The following TIAM1 variants were observed in gnomAD, a reference collection of about 807,000 sequenced individuals.
TIAM1 encodes the protein TIAM Rac1 associated GEF 1, also known as rho guanine nucleotide exchange factor TIAM1.
In TIAM1, 65 loss-of-function variants were observed where a neutral mutation model predicts 163.5. The observed-to-expected ratio is 0.40, with a 90% CI of 0.33 to 0.49. The LOEUF (loss-of-function observed/expected upper bound fraction) is 0.49, where lower values mean the gene tolerates loss of function less well. TIAM1 is among the 20% of genes least tolerant of loss of function. The probability of loss-of-function intolerance (pLI) is 0.77; values close to 1 mark genes in which losing one functional copy is unlikely to be tolerated. For synonymous variants in TIAM1, 833 were observed against 810.1 expected, an observed-to-expected ratio of 1.03 and a Z score of -0.48; for missense variants, 1,789 against 2,044.7, an observed-to-expected ratio of 0.87 and a Z score of 2.41.
intron 1 of TIAM1, among the ~76,000 whole-genome samples, chr21:31,483,791 G>C (rs1288783388): frequency 6.6e-6 from 1 of 151,986 alleles, no homozygotes; most frequent in Non-Finnish European, 1.5e-5. Context: ...TCCCCATCTG[G>C]TGGGAAAGTA....
chr21:31,303,456 G>A (rs2074576891), intron 2 of TIAM1, among the ~76,000 whole-genome samples: 1 of 152,078 alleles, frequency 6.6e-6, no homozygotes, highest in African/African-American at 2.4e-5. Flanking sequence ...TGAGTTCCAG[G>A]GCTGTATCTC....
chr21:31,472,370 T>C (rs2045775214), intron 1 of TIAM1, among the ~76,000 whole-genome samples: 1 of 151,594 alleles, frequency 6.6e-6, no homozygotes, highest in Non-Finnish European at 1.5e-5. Context: ...CTACTAAAAA[T>C]ACAAAAATCA....
intron 1 of TIAM1, among the ~76,000 whole-genome samples, chr21:31,526,605 G>A (rs1180313666): frequency 1.3e-5 from 2 of 152,154 alleles, no homozygotes; most frequent in Non-Finnish European, 2.9e-5. Context: ...CCACAGGTGG[G>A]AATCGTGATA....
chr21:31,284,456 G>C (rs187116713), intron 2 of TIAM1, among the ~76,000 whole-genome samples: 3 of 152,210 alleles, frequency 2.0e-5, no homozygotes, highest in Admixed American at 1.3e-4. Flanking sequence ...CAGCAGGGGG[G>C]GTGGAGGGTA....
At chr21:31,337,120 C>T (rs2833380) in intron 2 of TIAM1, among the ~76,000 whole-genome samples, 21,013 of 152,142 alleles carry the variant, frequency 0.14, 1,569 homozygotes, top group Non-Finnish European at 0.17. Context: ...GAATAGGTTA[C>T]TTAGGCCAGA....
chr21:31,446,534 G>A (rs563149900), intron 2 of TIAM1, among the ~76,000 whole-genome samples: 1 of 152,338 alleles, frequency 6.6e-6, no homozygotes, highest in East Asian at 1.9e-4. Flanking sequence ...TGCAAGGTCA[G>A]TGTTTATGGA....
intron 2 of TIAM1, among the ~76,000 whole-genome samples, chr21:31,445,016 A>AGAAC (rs1555983129): frequency 4.7e-4 from 3 of 6,428 alleles, no homozygotes; most frequent in African/African-American, 1.2e-3. Flanking sequence ...AAGGAAAACA[A>AGAAC]AGAACAGAAG....
intron 1 of TIAM1, among the ~76,000 whole-genome samples, chr21:31,530,708 C>G (rs1356094768): frequency 2.0e-5 from 3 of 152,148 alleles, no homozygotes; most frequent in Non-Finnish European, 4.4e-5. Flanking sequence ...ACCAGCTGGT[C>G]AGCCGCACTT....
At chr21:31,152,236 T>C (rs2083411242) in intron 19 of TIAM1, among the ~76,000 whole-genome samples, 1 of 152,128 alleles carries the variant, frequency 6.6e-6, no homozygotes, top group Admixed American at 6.5e-5. Context: ...TTTTGCCACG[T>C]TGGCCAGGCT....
chr21:31,234,043 A>G (rs2146672757), intron 6 of TIAM1, among the ~76,000 whole-genome samples: 1 of 152,306 alleles, frequency 6.6e-6, no homozygotes, highest in African/African-American at 2.4e-5. Context: ...TAATGTGCAC[A>G]GATGATATAA....
At chr21:31,154,528 G>A (rs1375844679) in intron 16 of TIAM1, 102 bp from the exon 17 acceptor site, 2 of 1,198,208 alleles carry the variant, frequency 1.7e-6, no homozygotes, top group East Asian at 2.4e-5. Context: ...TTAGTCAACT[G>A]TCACATATGA....
At chr21:31,408,674 T>G (rs1280296742) in intron 2 of TIAM1, among the ~76,000 whole-genome samples, 2 of 152,208 alleles carry the variant, frequency 1.3e-5, no homozygotes, top group Non-Finnish European at 2.9e-5. Flanking sequence ...AAATTCCTAT[T>G]CTTAATATCT....
chr21:31,523,591 C>T (rs2047678579), intron 1 of TIAM1, among the ~76,000 whole-genome samples: 1 of 152,172 alleles, frequency 6.6e-6, no homozygotes. Flanking sequence ...ATCTCTTCAT[C>T]TCTGAACCTC....
At chr21:31,411,602 A>G (rs1195203772) in intron 2 of TIAM1, among the ~76,000 whole-genome samples, 1 of 151,184 alleles carries the variant, frequency 6.6e-6, no homozygotes, top group Non-Finnish European at 1.5e-5. Flanking sequence ...CAGCCTCCTC[A>G]ATAGCTGGGA....
intron 2 of TIAM1, among the ~76,000 whole-genome samples, chr21:31,450,570 G>T (rs1440267097): frequency 6.6e-6 from 1 of 152,152 alleles, no homozygotes; most frequent in Non-Finnish European, 1.5e-5. Context: ...GCACCAGGGG[G>T]ACAGGGGGAC....
At chr21:31,551,566 C>A (rs2048688800) in intron 1 of TIAM1, among the ~76,000 whole-genome samples, 1 of 150,918 alleles carries the variant, frequency 6.6e-6, no homozygotes, top group African/African-American at 2.4e-5. Context: ...TAGTAGAACC[C>A]CTATCTCTAT....
At chr21:31,281,329 T>C (rs2250553) in intron 2 of TIAM1, among the ~76,000 whole-genome samples, 14,244 of 152,174 alleles carry the variant, frequency 0.094, 1,737 homozygotes, top group African/African-American at 0.29. Context: ...ATATTATTTG[T>C]CTTATCAATA....
intron 2 of TIAM1, among the ~76,000 whole-genome samples, chr21:31,337,520 TA>T (rs1300041051): frequency 8.8e-6 from 1 of 114,090 alleles, no homozygotes; most frequent in African/African-American, 3.3e-5. Context: ...TTATTGTTGT[TA>T]TTATTATTAT....
chr21:31,139,752 A>T (rs2082762014), intron 22 of TIAM1, among the ~76,000 whole-genome samples: 1 of 152,218 alleles, frequency 6.6e-6, no homozygotes. Context: ...TTGTAATGTT[A>T]TGTAAAAACA....
Sources: gnomAD v4.1 joint callset for allele counts (sites outside exome capture counted in the v4.1 genomes callset) on GRCh38, gnomAD v4.1.1 for gene constraint, MANE v1.5 for transcripts, NCBI Gene and HGNC (gene_info 2026-07-23, HGNC 2026-07-21) for gene names.